The following OLFM3 variants were observed in gnomAD, a reference collection of about 807,000 sequenced individuals.
OLFM3 encodes olfactomedin 3.
A neutral mutation model predicts 48.6 loss-of-function variants in OLFM3; 20 were observed. The ratio of observed to expected loss-of-function variants is 0.41; its 90% CI spans 0.29 to 0.60. OLFM3 has a LOEUF of 0.60. OLFM3 is among the 20% of genes least tolerant of loss of function. OLFM3 has a pLI of 0.28. For missense variants in OLFM3, 437 were observed against 544.3 expected, an observed-to-expected ratio of 0.80 and a Z score of 1.96; for synonymous variants, 222 against 198.1, an observed-to-expected ratio of 1.12 and a Z score of -1.01.
chr1:101,825,072 T>C lies in OLFM3; in HGVS notation c.546A>G (p.Arg182=). The C allele has an allele frequency of 6.2e-7, 1 of 1,614,128 alleles. No individual in the cohort carries two copies. Among genetic ancestry groups the C allele is most frequent in the Non-Finnish European group, 8.5e-7 (1 of 1,179,966 alleles). The change falls in exon 4 of 6, where the codon AGA becomes AGG. Residue 182 remains arginine, a synonymous_variant. Coordinates refer to ENST00000370103, the MANE Select transcript of OLFM3 (RefSeq NM_058170.4). The part of the protein sequence containing the change: ...GAYDYEELHQ[R]VLSLETRLRD... ...GAAGTCTTGTTTCCAAGCTCAGCAC[T>C]CTTTGGTGTAGTTCCTCGTAGTCAT...
chr1:101,868,401 C>T (rs1328763016), intron 1 of OLFM3, among the ~76,000 whole-genome samples: 2 of 152,130 alleles, frequency 1.3e-5, no homozygotes, highest in African/African-American at 2.4e-5. Flanking sequence ...TTGTTAGATA[C>T]TGTAGTAAAA....
chr1:101,940,984 A>G (rs1374805453), intron 1 of OLFM3, among the ~76,000 whole-genome samples: 2 of 152,158 alleles, frequency 1.3e-5, no homozygotes, highest in African/African-American at 4.8e-5. Context: ...ACCCTGGGGA[A>G]CAATAGGCTG....
intron 1 of OLFM3, among the ~76,000 whole-genome samples, chr1:101,929,268 G>A (rs1026352315): frequency 1.3e-5 from 2 of 152,118 alleles, no homozygotes; most frequent in African/African-American, 4.8e-5. Context: ...AAATCAGGAA[G>A]CATTAGAATA....
chr1:101,854,774 C>G (rs546922068), intron 1 of OLFM3, among the ~76,000 whole-genome samples: 1 of 152,156 alleles, frequency 6.6e-6, no homozygotes, highest in East Asian at 1.9e-4. Context: ...CACGTGTACC[C>G]TTTCACTCCC....
chr1:101,990,126 G>C (rs1266795217), intron 1 of OLFM3, among the ~76,000 whole-genome samples: 2 of 152,114 alleles, frequency 1.3e-5, no homozygotes, highest in Non-Finnish European at 2.9e-5. Flanking sequence ...ATATTATGAA[G>C]CCACTCTTCG....
intron 1 of OLFM3, among the ~76,000 whole-genome samples, chr1:101,908,243 A>G (rs1658618410): frequency 6.6e-6 from 1 of 152,240 alleles, no homozygotes; most frequent in South Asian, 2.1e-4. Flanking sequence ...CATCTTAGTA[A>G]GAGGAATTAA....
chr1:101,925,271 T>C (rs569424069), intron 1 of OLFM3, among the ~76,000 whole-genome samples: 20 of 151,956 alleles, frequency 1.3e-4, no homozygotes, highest in Non-Finnish European at 1.5e-5. Context: ...TTTTCTATAA[T>C]ATTTGTATTT....
At chr1:101,809,503 A>C (rs1260140564) in intron 4 of OLFM3, among the ~76,000 whole-genome samples, 1 of 151,944 alleles carries the variant, frequency 6.6e-6, no homozygotes, top group Non-Finnish European at 1.5e-5. Flanking sequence ...AAATTTACCT[A>C]CAATGAACTC....
chr1:101,864,365 T>C (rs1378140769), intron 1 of OLFM3, among the ~76,000 whole-genome samples: 1 of 152,218 alleles, frequency 6.6e-6, no homozygotes, highest in East Asian at 1.9e-4. Flanking sequence ...TGTTACTCCC[T>C]AATTGTGCCT....
chr1:101,898,787 T>TG (rs1462742867), intron 1 of OLFM3, among the ~76,000 whole-genome samples: 5 of 152,092 alleles, frequency 3.3e-5, no homozygotes, highest in Non-Finnish European at 5.9e-5. Context: ...AGGCAGAGGC[T>TG]GCAGTGAGCC....
chr1:101,849,815 G>A (rs1182351423), intron 1 of OLFM3, among the ~76,000 whole-genome samples: 1 of 152,146 alleles, frequency 6.6e-6, no homozygotes. Flanking sequence ...TAGTTTGGGG[G>A]TTTGGATGAT....
At chr1:101,921,788 T>C (rs1659102469) in intron 1 of OLFM3, among the ~76,000 whole-genome samples, 1 of 152,212 alleles carries the variant, frequency 6.6e-6, no homozygotes, top group Non-Finnish European at 1.5e-5. Flanking sequence ...CTGGGTGCAG[T>C]GGCTCACGCC....
chr1:101,924,393 C>A (rs1659198308), intron 1 of OLFM3, among the ~76,000 whole-genome samples: 1 of 152,012 alleles, frequency 6.6e-6, no homozygotes, highest in Non-Finnish European at 1.5e-5. Context: ...GACATTGAAT[C>A]TGAACTAACA....
At chr1:101,978,795 C>G (rs1377701458) in intron 1 of OLFM3, among the ~76,000 whole-genome samples, 1 of 152,092 alleles carries the variant, frequency 6.6e-6, no homozygotes, top group Non-Finnish European at 1.5e-5. Flanking sequence ...CATCCCATAG[C>G]AAGGGAAATG....
At chr1:101,824,637 C>G (rs1654763874) in intron 4 of OLFM3, among the ~76,000 whole-genome samples, 1 of 121,402 alleles carries the variant, frequency 8.2e-6, no homozygotes, top group African/African-American at 3.1e-5. Context: ...AATTTCCCCA[C>G]TAACCAAACA....
intron 1 of OLFM3, among the ~76,000 whole-genome samples, chr1:101,913,247 G>C (rs1158144322): frequency 6.6e-6 from 1 of 152,130 alleles, no homozygotes; most frequent in Non-Finnish European, 1.5e-5. Context: ...TTCCACATCA[G>C]ACATTTTAAT....
intron 4 of OLFM3, chr1:101,812,732 T>C (rs555582824): frequency 2.0e-6 from 2 of 987,382 alleles, no homozygotes; most frequent in African/African-American, 1.7e-5. Context: ...GGACAGAATT[T>C]GTACCGGAGG....
intron 1 of OLFM3, among the ~76,000 whole-genome samples, chr1:101,940,857 T>A (rs1659772928): frequency 6.6e-6 from 1 of 152,142 alleles, no homozygotes; most frequent in African/African-American, 2.4e-5. Context: ...TTTATTTAAA[T>A]CTAACTGAAT....
intron 1 of OLFM3, among the ~76,000 whole-genome samples, chr1:101,980,728 T>C (rs1441131591): frequency 6.6e-6 from 1 of 151,730 alleles, no homozygotes; most frequent in African/African-American, 2.4e-5. Flanking sequence ...GGGAAGGGAG[T>C]GATACATCCT....
Sources: gnomAD v4.1 joint callset for allele counts (sites outside exome capture counted in the v4.1 genomes callset) on GRCh38, gnomAD v4.1.1 for gene constraint, MANE v1.5 for transcripts, NCBI Gene and HGNC (gene_info 2026-07-23, HGNC 2026-07-21) for gene names.